The following GABRR1 variants were observed in gnomAD, a reference collection of about 807,000 sequenced individuals.
GABRR1 encodes gamma-aminobutyric acid receptor subunit rho-1.
In GABRR1, 59 loss-of-function variants were observed where a neutral mutation model predicts 55.5. The observed-to-expected ratio is 1.06, with a 90% CI of 0.86 to 1.32. The LOEUF (loss-of-function observed/expected upper bound fraction) is 1.32, where lower values mean the gene tolerates loss of function less well. GABRR1 is among the 40% of genes most tolerant of loss of function. GABRR1 has a pLI of 0.00. For synonymous variants in GABRR1, 213 were observed against 226.0 expected, an observed-to-expected ratio of 0.94 and a Z score of 0.51; for missense variants, 602 against 619.1, an observed-to-expected ratio of 0.97 and a Z score of 0.29.
intron 5 of GABRR1, among the ~76,000 whole-genome samples, chr6:89,197,313 A>T (rs1025237314): frequency 3.9e-5 from 6 of 152,202 alleles, no homozygotes; most frequent in Admixed American, 2.0e-4. Flanking sequence ...AAAGCACAAG[A>T]GGAGCAGACC....
chr6:89,189,653 A>C (rs778088681), intron 6 of GABRR1, among the ~76,000 whole-genome samples: 1 of 151,252 alleles, frequency 6.6e-6, no homozygotes, highest in Non-Finnish European at 1.5e-5. Flanking sequence ...CTAAAACTTA[A>C]AGTATAATTA....
chr6:89,224,467 T>G (rs1202906992), intron 1 of GABRR1, among the ~76,000 whole-genome samples: 1 of 152,232 alleles, frequency 6.6e-6, no homozygotes, highest in Non-Finnish European at 1.5e-5. Context: ...TGGCCATTTG[T>G]ATGTCTTCTT....
At chr6:89,209,991 T>C (rs1772773277) in intron 1 of GABRR1, among the ~76,000 whole-genome samples, 1 of 152,118 alleles carries the variant, frequency 6.6e-6, no homozygotes, top group East Asian at 1.9e-4. Context: ...TTTATGTCCA[T>C]CAATATAACT....
intron 1 of GABRR1, among the ~76,000 whole-genome samples, chr6:89,204,373 C>T (rs142734543): frequency 3.3e-4 from 51 of 152,294 alleles, no homozygotes; most frequent in African/African-American, 1.1e-3. Flanking sequence ...GCGCTTCAGG[C>T]GATGGGCCAT....
In GABRR1 at chr6:89,190,242, G is replaced by A; in HGVS notation, c.578C>T (p.Thr193Ile). The A allele has an allele frequency of 1.2e-6, 2 of 1,604,168 alleles. No individual in the cohort carries two copies. Among genetic ancestry groups the A allele is most frequent in the East Asian group, 2.3e-5 (1 of 44,256 alleles). ...DGKVLYSLRV[T>I]VTAMCNMDFS... ...GTCCATGTTGCACATTGCAGTTACT[G>A]TAACCCTAGGGCCAAAAAGACAAAA... Residue 193 changes from threonine to isoleucine, a missense_variant, in exon 6 of 10, where the codon ACA becomes ATA. Thr to Ile is a moderately conservative substitution (Grantham distance 89). Coordinates refer to ENST00000454853, the MANE Select transcript of GABRR1 (RefSeq NM_002042.5).
At chr6:89,191,301 G>T (rs1327621355) in intron 5 of GABRR1, among the ~76,000 whole-genome samples, 1 of 152,130 alleles carries the variant, frequency 6.6e-6, no homozygotes, top group Non-Finnish European at 1.5e-5. Context: ...GTCGAGGTGG[G>T]GGTCAGGCTG....
chr6:89,182,729 C>T (rs947561687), intron 7 of GABRR1, among the ~76,000 whole-genome samples: 1 of 151,926 alleles, frequency 6.6e-6, no homozygotes, highest in African/African-American at 2.4e-5. Flanking sequence ...ACAATATTCT[C>T]AGCTGGGCGC....
intron 5 of GABRR1, among the ~76,000 whole-genome samples, chr6:89,197,550 T>C (rs950182131): frequency 6.6e-6 from 1 of 152,252 alleles, no homozygotes; most frequent in East Asian, 1.9e-4. Context: ...ATGTTCAGAA[T>C]GGCACGTCAA....
rs1157111885 is a variant in GABRR1, at chr6:89,178,615, C to CG, written c.*154dup. On this transcript the variant is annotated 3_prime_UTR_variant, in exon 10 of 10. Coordinates refer to ENST00000454853, the MANE Select transcript of GABRR1 (RefSeq NM_002042.5). ...GTGCAAATTAAACCAGTAAGTGTCT[C>CG]GTCAATGTAGCTTTGGAAAGCTGCA... 1.6e-6 allele frequency: 1 copy of CG among 640,070 alleles called. No homozygotes were observed. Among genetic ancestry groups the CG allele is most frequent in the African/African-American group, 1.8e-5 (1 of 54,536 alleles). 39.6% of individuals were successfully genotyped at this position (640,070 alleles called of 1,614,324 possible). A position where few individuals can be genotyped will look rare whatever the true frequency, so the allele number is the denominator to read the frequency against.
At chr6:89,180,683 G>C (rs1771690607) in intron 8 of GABRR1, among the ~76,000 whole-genome samples, 195 bp from the exon 9 acceptor site, 1 of 151,992 alleles carries the variant, frequency 6.6e-6, no homozygotes, top group Non-Finnish European at 1.5e-5. Context: ...CTCTCCCCCT[G>C]CTTCCCTACC....
In GABRR1 at chr6:89,178,724, T is replaced by C. The variant is rs3734201; in HGVS notation, c.*46A>G. 627,060 of 1,500,802 alleles carry C rather than the reference T, an allele frequency of 0.42. 133,001 individuals are homozygous for C. The highest frequency in any genetic ancestry group is 0.47 in the Admixed American group (27,765 of 59,200). 93.0% of individuals were successfully genotyped at this position (1,500,802 alleles called of 1,614,324 possible). A position where few individuals can be genotyped will look rare whatever the true frequency, so the allele number is the denominator to read the frequency against. The stretch of plus-strand genomic sequence containing the variant: ...TACTTTTTCATTATACAGTTATTTC[T>C]GTAGTGCATGCCATGGAAATGTGAA... On this transcript the variant is annotated 3_prime_UTR_variant, in exon 10 of 10. Transcript: ENST00000454853.
chr6:89,220,727 C>CT (rs963716207), upstream of GABRR1, among the ~76,000 whole-genome samples: 38 of 147,890 alleles, frequency 2.6e-4, no homozygotes, highest in African/African-American at 4.0e-4. Context: ...TTTAAAAATG[C>CT]TTTTTTTTTT....
chr6:89,201,176 A>C lies in GABRR1; in HGVS notation c.263T>G (p.Met88Arg). Reference protein sequence around the residue: ...LLRIDDHDFSMRPGFGGPAIP... With the variant: ...LLRIDDHDFSRRPGFGGPAIP... ...TCCCATACCTCCAAAGCCAGGCCTCATGCTGAAATCATGGTCATCTATCCT... is the reference window on the plus strand; with the variant it reads ...TCCCATACCTCCAAAGCCAGGCCTCCTGCTGAAATCATGGTCATCTATCCT... The change falls in exon 3 of 10, where the codon ATG becomes AGG. Residue 88 changes from methionine (M) to arginine (R), a missense_variant. Met to Arg is a moderately conservative substitution (Grantham distance 91). Coordinates refer to ENST00000454853, the MANE Select transcript of GABRR1 (RefSeq NM_002042.5). The C allele has an allele frequency of 6.2e-7, 1 of 1,613,892 alleles. No homozygotes were observed. Among genetic ancestry groups the C allele is most frequent in the Non-Finnish European group, 8.5e-7 (1 of 1,179,724 alleles).
chr6:89,224,368 A>G (rs1451019270), intron 1 of GABRR1, among the ~76,000 whole-genome samples: 1 of 152,212 alleles, frequency 6.6e-6, no homozygotes, highest in Non-Finnish European at 1.5e-5. Context: ...CTGAGATTAC[A>G]GGTGTGAGCC....
chr6:89,203,105 G>GA (rs1772529536), intron 2 of GABRR1, among the ~76,000 whole-genome samples: 1 of 152,204 alleles, frequency 6.6e-6, no homozygotes, highest in Non-Finnish European at 1.5e-5. Context: ...CTAAAGTGAG[G>GA]AATTACCGTG....
chr6:89,188,444 T>A (rs2127792826), intron 6 of GABRR1, among the ~76,000 whole-genome samples: 1 of 152,350 alleles, frequency 6.6e-6, no homozygotes, highest in Non-Finnish European at 1.5e-5. Context: ...TCTGTTTTGT[T>A]GACAGTATTC....
Position 89,178,737 on chromosome 6 carries a change from A to T in GABRR1, c.*33T>A, listed in dbSNP as rs1477754043. On this transcript the variant is annotated 3_prime_UTR_variant, in exon 10 of 10. Coordinates refer to ENST00000454853, the MANE Select transcript of GABRR1 (RefSeq NM_002042.5). ...TACAGTTATTTCTGTAGTGCATGCC[A>T]TGGAAATGTGAAATTTGTAGAATTA... 4 of 1,567,202 alleles carry T rather than the reference A, an allele frequency of 2.6e-6. No homozygotes were observed. Among genetic ancestry groups the T allele is most frequent in the African/African-American group, 1.4e-5 (1 of 73,856 alleles).
intron 1 of GABRR1, among the ~76,000 whole-genome samples, chr6:89,225,656 G>C (rs1773189203): frequency 8.6e-6 from 1 of 116,468 alleles, no homozygotes; most frequent in Non-Finnish European, 1.8e-5. Context: ...TCTTAATCCA[G>C]TCTATCATTG....
At chr6:89,182,093 T>A (rs1771747838) in intron 7 of GABRR1, 36 bp from the exon 8 acceptor site, 1 of 1,607,856 alleles carries the variant, frequency 6.2e-7, no homozygotes, top group African/African-American at 1.3e-5. Context: ...GTACACATCA[T>A]GGCTCCTTCA....
Sources: gnomAD v4.1 joint callset for allele counts (sites outside exome capture counted in the v4.1 genomes callset) on GRCh38, gnomAD v4.1.1 for gene constraint, MANE v1.5 for transcripts, NCBI Gene and HGNC (gene_info 2026-07-23, HGNC 2026-07-21) for gene names.